Variants in EXD3 observed in about 807,000 individuals in gnomAD.
EXD3 encodes exonuclease mut-7 homolog.
In EXD3, 92 loss-of-function variants were observed where a neutral mutation model predicts 98.0. The ratio of observed to expected loss-of-function variants is 0.94; its 90% CI spans 0.79 to 1.12. The LOEUF (loss-of-function observed/expected upper bound fraction) is 1.12, where lower values mean the gene tolerates loss of function less well. Among genes scored for constraint, EXD3 ranks in the 50% most tolerant of loss-of-function variants. The pLI, the probability that EXD3 is intolerant of heterozygous loss-of-function variation, is 0.00. For missense variants in EXD3, 1,222 were observed against 1,191.6 expected (o/e 1.03, Z -0.38); for synonymous variants, 569 against 526.0 (o/e 1.08, Z -1.12).
chr9:137,355,497 G>GACCTAGAAACACTGCAAAATCCAGAT (rs1564508303), intron 8 of EXD3, among the ~76,000 whole-genome samples: 4 of 44,752 alleles, frequency 8.9e-5, no homozygotes, highest in Non-Finnish European at 2.0e-4. Context: ...GAGGATGGAG[G>GACCTAGAAACACTGCAAAATCCAGAT]AAGGAGGAAG....
At chr9:137,327,279 G>A (rs1379133103) in intron 17 of EXD3, among the ~76,000 whole-genome samples, 4 of 151,978 alleles carry the variant, frequency 2.6e-5, no homozygotes, top group African/African-American at 4.8e-5. Flanking sequence ...GACTATAGGC[G>A]CCCTCCACCA....
chr9:137,355,599 A>T (rs1315770718), intron 8 of EXD3, among the ~76,000 whole-genome samples: 12 of 15,400 alleles, frequency 7.8e-4, no homozygotes, highest in Admixed American at 8.8e-4. Flanking sequence ...AAAGGGCGGA[A>T]GGAGAAAGGA....
chr9:137,338,847 C>G (rs1055295471), intron 17 of EXD3, among the ~76,000 whole-genome samples: 16 of 147,974 alleles, frequency 1.1e-4, no homozygotes, highest in African/African-American at 4.0e-4. Context: ...GAGCCAAGAT[C>G]GCGCCACTGC....
rs577454195 is a variant in EXD3 at position 137,370,843 on chromosome 9, T to A, written c.462+2062A>T. ...AAGCTATCTTTTTACCTTGATAAGC[T>A]GTTTAAAAAATGTAAATAAAATAAC... On this transcript the variant is annotated intron_variant, in intron 5 of 21. Coordinates refer to ENST00000340951, the MANE Select transcript of EXD3 (RefSeq NM_017820.5). 3.3e-5 allele frequency among the ~76,000 whole-genome samples: 5 copies of A among 150,980 alleles called. No individual in the cohort carries two copies. In the East Asian group the frequency reaches 9.8e-4, roughly 30 times the overall value.
Position 137,324,755 on chromosome 9 carries a change from C to CGA in EXD3, c.1999-613_1999-612insTC, listed in dbSNP as rs1832298340. 6.6e-6 allele frequency among the ~76,000 whole-genome samples: 1 copy of CGA among 152,240 alleles called. No individual in the cohort carries two copies. Among genetic ancestry groups the CGA allele is most frequent in the African/African-American group, 2.4e-5 (1 of 41,458 alleles). On this transcript the variant is annotated intron_variant, in intron 17 of 21. Coordinates refer to ENST00000340951, the MANE Select transcript of EXD3 (RefSeq NM_017820.5). This position sits in a 1 kb window ranked among gnomAD's most constrained non-coding sequence, Gnocchi z 4.1. ...TCGCCCAGGCCGGAGTGCAGTGGCGCTGTCTTGGCTCACTGCAAGCTCCGC... is the reference window on the plus strand; with the variant it reads ...TCGCCCAGGCCGGAGTGCAGTGGCGCGATGTCTTGGCTCACTGCAAGCTCCGC...
At chr9:137,411,923 C>T (rs898805416) in intron 1 of EXD3, among the ~76,000 whole-genome samples, 2 of 152,204 alleles carry the variant, frequency 1.3e-5, no homozygotes, top group African/African-American at 2.4e-5. Flanking sequence ...CCCTGAGGAC[C>T]GGTGGGCCCT....
intron 19 of EXD3, among the ~76,000 whole-genome samples, chr9:137,312,043 G>A (rs1017859437): frequency 2.0e-5 from 3 of 152,130 alleles, no homozygotes. Context: ...CAGGGCACTC[G>A]GCGGGCCAGG....
chr9:137,342,931 C>T (rs1008110604), intron 17 of EXD3, among the ~76,000 whole-genome samples: 5 of 152,112 alleles, frequency 3.3e-5, no homozygotes, highest in African/African-American at 9.7e-5. Context: ...ACCATCCCGG[C>T]CAACATGGTG....
chr9:137,355,237 C>T (rs1834565892), intron 8 of EXD3, among the ~76,000 whole-genome samples: 1 of 152,066 alleles, frequency 6.6e-6, no homozygotes, highest in South Asian at 2.1e-4. Flanking sequence ...ACTCCAGAGC[C>T]TGAGGGGGCC....
At position 137,366,528 on chromosome 9, in the gene EXD3, C is replaced by T; in HGVS notation, c.621G>A (p.Trp207Ter). ...QRRLLVLMDSWCQPGFDIKDV... is the reference protein window; with the variant it reads ...QRRLLVLMDS ...CCTTGATGTCAAAGCCGGGCTGGCA[C>T]CAGGAATCCATGAGGACCAGCAGCC... The change falls in exon 7 of 22, where the codon TGG becomes TGA. Residue 207 changes from tryptophan to a stop codon, truncating the protein, a stop_gained. Coordinates refer to ENST00000340951, the MANE Select transcript of EXD3 (RefSeq NM_017820.5). LOFTEE classifies it high-confidence loss of function. The T allele has an allele frequency of 6.4e-7, 1 of 1,551,248 alleles. No individual in the cohort carries two copies. Among genetic ancestry groups the T allele is most frequent in the Non-Finnish European group, 8.7e-7 (1 of 1,147,474 alleles).
intron 17 of EXD3, among the ~76,000 whole-genome samples, chr9:137,329,402 G>A (rs138066426): frequency 1.2e-3 from 7 of 5,898 alleles, no homozygotes; most frequent in Admixed American, 1.8e-3. Flanking sequence ...ACTACACGGG[G>A]CTACACGGGG....
At chr9:137,348,928 C>T (rs953744026) in intron 16 of EXD3, among the ~76,000 whole-genome samples, 182 bp downstream of exon 16, 5 of 152,004 alleles carry the variant, frequency 3.3e-5, no homozygotes, top group African/African-American at 1.2e-4. Context: ...CAGGCAAGCG[C>T]AGCCCCCGTG....
At position 137,306,963 on chromosome 9, in the gene EXD3, C is replaced by G. The variant is rs200221658; in HGVS notation, c.2618G>C (p.Ser873Thr). The change falls in exon 22 of 22, where the codon AGC (serine) becomes ACC (threonine). Residue 873 changes from serine (S) to threonine (T), a missense_variant. By Grantham distance (58) the Ser-to-Thr change is moderately conservative (BLOSUM62 1). Coordinates refer to ENST00000340951, the MANE Select transcript of EXD3 (RefSeq NM_017820.5). ...CEPSPAPSPA[S>T]SPF ...GTCTGGCTGTCCTCAGAAGGGACTG[C>G]TGGCCGGGCTGGGGGCTGGGCTCGG... 5.4e-4 allele frequency: 860 copies of G among 1,580,536 alleles called. No individual in the cohort carries two copies. Among genetic ancestry groups the G allele is most frequent in the Non-Finnish European group, 7.1e-4 (825 of 1,161,726 alleles).
chr9:137,323,562 C>T (rs546648598), intron 19 of EXD3, among the ~76,000 whole-genome samples, 163 bp downstream of exon 19: 1 of 135,716 alleles, frequency 7.4e-6, no homozygotes, highest in African/African-American at 2.9e-5. Context: ...CCCGGACCCA[C>T]GAGGGATGCT....
In EXD3 at chr9:137,309,652, G is replaced by T; in HGVS notation, c.2233C>A (p.Gln745Lys). 2 of 1,562,320 alleles carry T rather than the reference G, an allele frequency of 1.3e-6. No homozygotes were observed. Among genetic ancestry groups the T allele is most frequent in the Non-Finnish European group, 1.7e-6 (2 of 1,153,294 alleles). The change falls in exon 20 of 22, where the codon CAG (glutamine) becomes AAG (lysine). Residue 745 changes from glutamine to lysine, a missense_variant. Physicochemically the swap from Gln to Lys is moderately conservative, Grantham distance 53 (BLOSUM62 1). Transcript: ENST00000340951. ...TGGTGACTGCTGAGCCACATGAGCT[G>T]CTTCATCATGTCCCTGGAGACCTTT... ...YLKVSRDMMK[Q>K]LMWLSSHQEG...
chr9:137,326,900 A>G (rs546999058), intron 17 of EXD3, among the ~76,000 whole-genome samples: 1 of 152,126 alleles, frequency 6.6e-6, no homozygotes. Flanking sequence ...CTCATACATC[A>G]GTGTTCGTAG....
intron 17 of EXD3, among the ~76,000 whole-genome samples, chr9:137,334,096 G>A (rs1430279025): frequency 6.6e-6 from 1 of 152,062 alleles, no homozygotes; most frequent in East Asian, 1.9e-4. Flanking sequence ...CTACCTCCTG[G>A]GTTCAAACGA....
At chr9:137,402,110 G>A (rs1487662356) in intron 1 of EXD3, among the ~76,000 whole-genome samples, 1 of 152,090 alleles carries the variant, frequency 6.6e-6, no homozygotes, top group Non-Finnish European at 1.5e-5. Context: ...CTGCCTTTCT[G>A]GTTCAAGTGA....
At chr9:137,317,035 T>A (rs899684664) in intron 19 of EXD3, among the ~76,000 whole-genome samples, 2 of 152,084 alleles carry the variant, frequency 1.3e-5, no homozygotes, top group African/African-American at 2.4e-5. Context: ...GCAGCTCTCC[T>A]GCTCAGCCTG....
Sources: gnomAD v4.1 joint callset for allele counts (sites outside exome capture counted in the v4.1 genomes callset) on GRCh38, gnomAD v4.1.1 for gene constraint, Gnocchi (gnomAD v3.1) non-coding constraint, MANE v1.5 for transcripts, NCBI Gene and HGNC (gene_info 2026-07-23, HGNC 2026-07-21) for gene names.